SP100: variants seen among roughly 807,000 people sequenced by gnomAD.
SP100 encodes nuclear autoantigen Sp-100.
SP100 carries 84 observed loss-of-function variants against 130.0 expected under a neutral mutation model. That is an observed-to-expected ratio of 0.65 (90% CI 0.54 to 0.77). The LOEUF (loss-of-function observed/expected upper bound fraction) is 0.77, where lower values mean the gene tolerates loss of function less well. Among genes scored for constraint, SP100 ranks in the 30% least tolerant of loss-of-function variants. SP100 has a pLI of 0.00. For missense variants in SP100, 978 were observed against 1,052.2 expected, an observed-to-expected ratio of 0.93 and a Z score of 0.97; for synonymous variants, 331 against 351.7, an observed-to-expected ratio of 0.94 and a Z score of 0.66.
intron 18 of SP100, among the ~76,000 whole-genome samples, chr2:230,496,873 G>T (rs2066698593): frequency 1.3e-5 from 2 of 152,174 alleles, no homozygotes; most frequent in African/African-American, 2.4e-5. Context: ...TCCCTAGGGA[G>T]ACCTATAGGA....
intron 24 of SP100, chr2:230,515,305 C>G (rs761074747): frequency 6.2e-7 from 1 of 1,613,128 alleles, no homozygotes; most frequent in South Asian, 1.1e-5. Flanking sequence ...TCCCAATGCA[C>G]CCAAGAGGCC....
intron 17 of SP100, among the ~76,000 whole-genome samples, chr2:230,489,628 C>G (rs114491565): frequency 2.0e-5 from 3 of 152,080 alleles, no homozygotes; most frequent in African/African-American, 4.8e-5. Flanking sequence ...TTAGATCTTT[C>G]TAGATTTCCG....
intron 2 of SP100, among the ~76,000 whole-genome samples, chr2:230,429,170 T>G (rs973505): frequency 0.13 from 20,400 of 152,186 alleles, 1,543 homozygotes; most frequent in Middle Eastern, 0.22. Context: ...TTTGTTTGTT[T>G]GGAAAGGTTT....
At chr2:230,511,711 G>A (rs1690601904) in intron 24 of SP100, among the ~76,000 whole-genome samples, 1 of 152,146 alleles carries the variant, frequency 6.6e-6, no homozygotes, top group Non-Finnish European at 1.5e-5. Flanking sequence ...CACTCTTGAG[G>A]GAGGTTTAGG....
At position 230,464,074 on chromosome 2, in the gene SP100, T is replaced by G. The variant is rs1271197375; in HGVS notation, c.1065T>G (p.Asn355Lys). 4 of 1,610,744 alleles carry G rather than the reference T, an allele frequency of 2.5e-6. No individual in the cohort carries two copies. The African/African-American group carries it at 4.0e-5, about 16-fold the overall frequency. The change falls in exon 11 of 29, where the codon AAT (asparagine) becomes AAG (lysine). Residue 355 changes from asparagine to lysine, a missense_variant. Coordinates refer to ENST00000340126, the MANE Select transcript of SP100 (RefSeq NM_001080391.2). ...TCCCATTCTTTTGTGCAGTGATCAA[T>G]AATGACAACCCTTTAGAATCAAATG... is the stretch of plus-strand genomic sequence containing the variant. ...ISAPRSEPVI[N>K]NDNPLESNDE...
chr2:230,475,291 T>C (rs1293493851), intron 17 of SP100, among the ~76,000 whole-genome samples: 2 of 152,224 alleles, frequency 1.3e-5, no homozygotes, highest in Non-Finnish European at 1.5e-5. Context: ...TGATGATTAG[T>C]AATGTTGGGC....
intron 24 of SP100, among the ~76,000 whole-genome samples, chr2:230,519,602 A>G (rs1188327112): frequency 6.6e-6 from 1 of 152,174 alleles, no homozygotes; most frequent in Non-Finnish European, 1.5e-5. Context: ...ATAGGGGTAG[A>G]AGGAGGAGAA....
At chr2:230,480,345 G>A (rs2065773324) in intron 17 of SP100, among the ~76,000 whole-genome samples, 1 of 152,094 alleles carries the variant, frequency 6.6e-6, no homozygotes, top group Non-Finnish European at 1.5e-5. Context: ...TGTACTTAAA[G>A]CAAGCAAAGA....
In SP100 at chr2:230,531,573, T is replaced by C. The variant is rs182718966; in HGVS notation, c.2095-7694T>C. On this transcript the variant is annotated intron_variant, in intron 24 of 28. Coordinates refer to ENST00000340126, the MANE Select transcript of SP100 (RefSeq NM_001080391.2). ...GAAAAAAGAAAAATAAATTAATTAA[T>C]TTAAAAAAAGAAATACATTGGCAGT... Among the ~76,000 whole-genome samples, 9 of 152,288 alleles carry C rather than the reference T, an allele frequency of 5.9e-5. No individual in the cohort carries two copies. In the East Asian group the frequency reaches 1.7e-3, roughly 29 times the overall value.
At chr2:230,460,422 A>T (rs1029426540) in intron 8 of SP100, among the ~76,000 whole-genome samples, 2 of 111,816 alleles carry the variant, frequency 1.8e-5, no homozygotes, top group African/African-American at 2.7e-5. Flanking sequence ...AGGTAAAGGG[A>T]GAAAGAAAGA....
At chr2:230,494,519 C>T in intron 18 of SP100, 59 bp downstream of exon 18, 1 of 1,279,324 alleles carries the variant, frequency 7.8e-7, no homozygotes. Flanking sequence ...TTCTTCCTGC[C>T]AGACCCCATC....
At chr2:230,533,004 C>T (rs948771589) in intron 24 of SP100, among the ~76,000 whole-genome samples, 2 of 152,154 alleles carry the variant, frequency 1.3e-5, no homozygotes, top group Non-Finnish European at 2.9e-5. Context: ...TGGTGTCGAA[C>T]GCCTAACCTT....
rs78571633 is a variant in SP100 at position 230,539,505 on chromosome 2, G to A, written c.2210+123G>A. 5.2e-3 allele frequency: 3,341 copies of A among 644,750 alleles called. 16 individuals are homozygous for A. Among genetic ancestry groups the A allele is most frequent in the Middle Eastern group, 7.1e-3 (18 of 2,520 alleles). The allele number at this position is 644,750 out of a possible 1,614,324, so 39.9% of individuals were successfully genotyped here. On this transcript the variant is annotated intron_variant, in intron 25 of 28. Transcript: ENST00000340126. ...TGTGTTTCTTGATGCATAAGGAGCA[G>A]GCTCCTTAGCATCAAGATCCACAAG...
chr2:230,495,780 T>G (rs908832313), intron 18 of SP100, among the ~76,000 whole-genome samples: 3 of 152,224 alleles, frequency 2.0e-5, no homozygotes, highest in African/African-American at 7.2e-5. Flanking sequence ...TCTTGCATAC[T>G]TTATTTCTTT....
intron 24 of SP100, chr2:230,515,968 AG>A (rs1403766171): frequency 8.2e-5 from 84 of 1,022,550 alleles, no homozygotes; most frequent in Non-Finnish European, 7.5e-5. Context: ...TCTCTGATGT[AG>A]CTTATACAAA....
chr2:230,436,879 C>CACACACATATATGTGTAT (rs1378165794), intron 2 of SP100, among the ~76,000 whole-genome samples: 29 of 151,034 alleles, frequency 1.9e-4, no homozygotes, highest in African/African-American at 6.2e-4. Flanking sequence ...TATGTGTATA[C>CACACACATATATGTGTAT]ACACACATAT....
At chr2:230,521,640 T>C (rs1691175027) in intron 24 of SP100, among the ~76,000 whole-genome samples, 1 of 152,216 alleles carries the variant, frequency 6.6e-6, no homozygotes, top group African/African-American at 2.4e-5. Context: ...TTCTGTGCAG[T>C]GAGCAGCTGG....
At chr2:230,506,239 A>G (rs1690090541) in intron 21 of SP100, 64 bp from the exon 22 acceptor site, 1 of 1,584,164 alleles carries the variant, frequency 6.3e-7, no homozygotes, top group Non-Finnish European at 8.6e-7. Flanking sequence ...AGACCCCAGC[A>G]TGGGGGGAGG....
intron 22 of SP100, chr2:230,506,672 A>G (rs1690127647): frequency 4.6e-6 from 2 of 434,762 alleles, no homozygotes; most frequent in African/African-American, 4.0e-5. Context: ...AAGGTTGGAC[A>G]GTAAATTGTG....
Sources: gnomAD v4.1 joint callset for allele counts (sites outside exome capture counted in the v4.1 genomes callset) on GRCh38, gnomAD v4.1.1 for gene constraint, MANE v1.5 for transcripts, NCBI Gene and HGNC (gene_info 2026-07-23, HGNC 2026-07-21) for gene names.